Variants in NTM observed in about 807,000 individuals in gnomAD.
NTM encodes IgLON family member 2.
In NTM, 13 loss-of-function variants were observed where a neutral mutation model predicts 42.1. The observed-to-expected ratio is 0.31, with a 90% CI of 0.20 to 0.49. The LOEUF (loss-of-function observed/expected upper bound fraction) is 0.49, where lower values mean the gene tolerates loss of function less well. NTM is among the 20% of genes least tolerant of loss of function. The pLI is 0.99. For synonymous variants in NTM, 187 were observed against 179.2 expected (o/e 1.04, Z -0.35); for missense variants, 373 against 452.8 (o/e 0.82, Z 1.60).
chr11:131,473,689 C>G (rs2136192384), intron 1 of NTM, among the ~76,000 whole-genome samples: 1 of 152,214 alleles, frequency 6.6e-6, no homozygotes, highest in East Asian at 1.9e-4. Context: ...ATAACAGCTC[C>G]ATGGTGGAGA....
At chr11:131,665,773 C>T (rs143481349) in intron 1 of NTM, among the ~76,000 whole-genome samples, 2 of 152,148 alleles carry the variant, frequency 1.3e-5, no homozygotes, top group South Asian at 2.1e-4. Flanking sequence ...CAGAACTGGC[C>T]GTGGGCCACG....
At chr11:131,750,392 T>C (rs2082337006) in intron 1 of NTM, among the ~76,000 whole-genome samples, 1 of 152,172 alleles carries the variant, frequency 6.6e-6, no homozygotes, top group African/African-American at 2.4e-5. Context: ...AACAAGCTCC[T>C]CACCTCCTTC....
chr11:131,531,099 C>T (rs1220448176), intron 1 of NTM, among the ~76,000 whole-genome samples: 2 of 152,146 alleles, frequency 1.3e-5, no homozygotes, highest in African/African-American at 2.4e-5. Flanking sequence ...TTGGCAAAGC[C>T]GAGTGACAAG....
At chr11:131,614,284 G>A (rs1263975427) in intron 1 of NTM, among the ~76,000 whole-genome samples, 1 of 152,200 alleles carries the variant, frequency 6.6e-6, no homozygotes. Context: ...GAGGAGGGAA[G>A]TGGTTCCCAT....
chr11:131,486,331 T>C (rs1163079883), intron 1 of NTM, among the ~76,000 whole-genome samples: 2 of 152,012 alleles, frequency 1.3e-5, no homozygotes, highest in African/African-American at 4.8e-5. Context: ...GGCAGCAGAG[T>C]CATCTACGGC....
intron 2 of NTM, among the ~76,000 whole-genome samples, chr11:131,962,725 A>G (rs1235818421): frequency 6.6e-6 from 1 of 152,174 alleles, no homozygotes; most frequent in East Asian, 1.9e-4. Context: ...TATGCCATTT[A>G]CCCTGACTGT....
At chr11:131,803,752 C>T (rs921557122) in intron 1 of NTM, among the ~76,000 whole-genome samples, 1 of 152,202 alleles carries the variant, frequency 6.6e-6, no homozygotes, top group Non-Finnish European at 1.5e-5. Context: ...CTTCCTGCCT[C>T]CCCCGAACCT....
intron 2 of NTM, among the ~76,000 whole-genome samples, chr11:131,969,958 A>G: frequency 6.6e-6 from 1 of 152,182 alleles, no homozygotes; most frequent in East Asian, 1.9e-4. Context: ...AGGGACCACA[A>G]GTGCGCAGCA....
intron 1 of NTM, among the ~76,000 whole-genome samples, chr11:131,496,865 C>T (rs1423316016): frequency 1.3e-5 from 2 of 152,166 alleles, no homozygotes; most frequent in South Asian, 2.1e-4. Context: ...AACTTGGGAA[C>T]AGGCACGGAG....
rs547913395 is a variant in NTM, at chr11:131,888,918, T to A, written c.83-22646T>A. Among the ~76,000 whole-genome samples, 25 of 151,574 alleles carry A rather than the reference T, an allele frequency of 1.6e-4. No individual in the cohort carries two copies. In the East Asian group the frequency reaches 3.7e-3, roughly 22 times the overall value. ...GCTTTATTCCTCTTTATTTTTTTTTTTTTTATTTTACCAGTGACAAGGACC... is the reference window on the plus strand; with the variant it reads ...GCTTTATTCCTCTTTATTTTTTTTTATTTTATTTTACCAGTGACAAGGACC... On this transcript the variant is annotated intron_variant, in intron 1 of 8. Coordinates refer to ENST00000683400, the MANE Select transcript of NTM (RefSeq NM_001352005.2).
chr11:131,727,372 C>T (rs1565473701), intron 1 of NTM, among the ~76,000 whole-genome samples: 1 of 152,192 alleles, frequency 6.6e-6, no homozygotes, highest in Non-Finnish European at 1.5e-5. Flanking sequence ...AGCCAATACA[C>T]AAAGCAAATA....
intron 2 of NTM, among the ~76,000 whole-genome samples, chr11:132,004,419 T>C (rs963287009): frequency 3.9e-5 from 6 of 152,172 alleles, no homozygotes; most frequent in African/African-American, 1.4e-4. Flanking sequence ...TGCAAATGCA[T>C]TTTCCTGTGG....
At chr11:132,272,572 A>G (rs1316889608) in intron 4 of NTM, among the ~76,000 whole-genome samples, 1 of 152,150 alleles carries the variant, frequency 6.6e-6, no homozygotes, top group Non-Finnish European at 1.5e-5. Context: ...TGTAGTTTGC[A>G]TAGTAAAGTT....
intron 2 of NTM, among the ~76,000 whole-genome samples, chr11:132,071,718 G>A (rs1466120328): frequency 6.6e-6 from 1 of 152,120 alleles, no homozygotes; most frequent in African/African-American, 2.4e-5. Context: ...TATATGGGGT[G>A]TGCGTTTTTG....
intron 2 of NTM, among the ~76,000 whole-genome samples, chr11:131,982,462 T>TC (rs772166802): frequency 4.0e-5 from 6 of 151,684 alleles, no homozygotes; most frequent in Admixed American, 1.3e-4. Context: ...ACAAGGAGGG[T>TC]CATGGAACAG....
At chr11:131,898,466 T>A (rs946190140) in intron 1 of NTM, among the ~76,000 whole-genome samples, 2 of 152,240 alleles carry the variant, frequency 1.3e-5, no homozygotes, top group African/African-American at 4.8e-5. Flanking sequence ...TCTCCCCTTT[T>A]CTGTTCTTTT....
intron 3 of NTM, among the ~76,000 whole-genome samples, chr11:132,177,198 T>C (rs923051851): frequency 6.6e-6 from 1 of 152,224 alleles, no homozygotes; most frequent in Non-Finnish European, 1.5e-5. Context: ...AAGTAATTGA[T>C]TTATTAAAGA....
intron 1 of NTM, among the ~76,000 whole-genome samples, chr11:131,422,026 A>T (rs1947587710): frequency 6.6e-6 from 1 of 152,154 alleles, no homozygotes; most frequent in Non-Finnish European, 1.5e-5. Context: ...ATGGAATAAC[A>T]CTGAGAGTTT....
chr11:132,032,164 A>C (rs994256135), intron 2 of NTM, among the ~76,000 whole-genome samples: 1 of 152,136 alleles, frequency 6.6e-6, no homozygotes, highest in East Asian at 1.9e-4. Context: ...TACTGTGTTC[A>C]AGCCATTCCA....
Sources: allele counts gnomAD v4.1 joint callset (sites outside exome capture counted in the v4.1 genomes callset), GRCh38; gene constraint gnomAD v4.1.1; transcripts MANE v1.5; gene names NCBI Gene and HGNC (gene_info 2026-07-23, HGNC 2026-07-21).